The following FBH1 variants were observed in gnomAD, a reference collection of about 807,000 sequenced individuals.
FBH1 encodes the protein DNA 3'-5' helicase 1.
Under a neutral mutation model 115.5 loss-of-function variants are expected in FBH1, and 43 were observed. The ratio of observed to expected loss-of-function variants is 0.37; its 90% confidence interval spans 0.29 to 0.48. The LOEUF (loss-of-function observed/expected upper bound fraction) is 0.48, where lower values mean the gene tolerates loss of function less well. Ranked by LOEUF, FBH1 falls within the 20% of genes least tolerant of loss-of-function variation. The pLI is 0.99. For missense variants in FBH1, 1,001 were observed against 1,337.3 expected (o/e 0.75, Z 3.92); for synonymous variants, 524 against 507.8 (o/e 1.03, Z -0.43).
rs138946203 is a variant in FBH1, at chr10:5,918,467, T to C, written c.2089T>C (p.Tyr697His). The C allele has an allele frequency of 1.8e-5, 28 of 1,599,518 alleles. No individual in the cohort carries two copies. Among genetic ancestry groups the C allele is most frequent in the Non-Finnish European group, 1.5e-5 (18 of 1,175,466 alleles). ...CACAGTGCCCCACACCCACGTCTTC[T>C]ATCTCACGCAGGTAAGTGCGCACTC... ...LFTVPHTHVF[Y>H]LTQSFRFGVE... The change falls in exon 13 of 21, where the codon TAT becomes CAT. Residue 697 changes from tyrosine to histidine, a missense_variant. Around this residue, in one of 4 missense-constraint regions of FBH1, gnomAD observed 521 missense variants for 811.0 expected, o/e 0.64. Coordinates refer to ENST00000362091, the MANE Select transcript of FBH1 (RefSeq NM_178150.3). This position sits in a 1 kb window ranked among gnomAD's most constrained non-coding sequence, Gnocchi z 4.0.
In FBH1 at chr10:5,914,922, T is replaced by C. The variant is rs1196137571; in HGVS notation, c.1397-481T>C. 6.6e-6 allele frequency among the ~76,000 whole-genome samples: 1 copy of C among 152,208 alleles called. No homozygotes were observed. Among genetic ancestry groups the C allele is most frequent in the Non-Finnish European group, 1.5e-5 (1 of 68,036 alleles). Reference sequence around the variant, plus strand: ...TCCTGATAGCATTCCGTAAGGTTGCTTAGTTATTCTTGTTTTATAGAGGAA... The same window carrying C: ...TCCTGATAGCATTCCGTAAGGTTGCCTAGTTATTCTTGTTTTATAGAGGAA... On this transcript the variant is annotated intron_variant, in intron 8 of 20. Coordinates refer to ENST00000362091, the MANE Select transcript of FBH1 (RefSeq NM_178150.3). This position sits in a 1 kb window ranked among gnomAD's most constrained non-coding sequence, Gnocchi z 5.2.
At chr10:5,905,961 G>A (rs913219169) in intron 2 of FBH1, 76 bp from the exon 3 acceptor site, 5 of 1,003,972 alleles carry the variant, frequency 5.0e-6, no homozygotes, top group Admixed American at 2.3e-5. Context: ...GAAAATTAGT[G>A]TGTCTTATAT....
chr10:5,899,441 G>C (rs1359309248), intron 1 of FBH1, among the ~76,000 whole-genome samples: 1 of 152,082 alleles, frequency 6.6e-6, no homozygotes, highest in African/African-American at 2.4e-5. Flanking sequence ...ACTTTCTTTA[G>C]TGAGTGTCTC....
At position 5,895,113 on chromosome 10, in the gene FBH1, G is replaced by A. The variant is rs750220283; in HGVS notation, c.1+4767G>A. 3 of 1,614,002 alleles carry A rather than the reference G, an allele frequency of 1.9e-6. No homozygotes were observed. The highest frequency in any genetic ancestry group is 2.5e-6 in the Non-Finnish European group (3 of 1,179,942). On this transcript the variant is annotated intron_variant, in intron 1 of 20. Transcript: ENST00000362091. The surrounding 1 kb of genome is among the most constrained non-coding windows in gnomAD (Gnocchi z 5.0). ...TGTGATAATGGGCTACATTGCGCAG[G>A]GCCCCTGGGCCATCTCCACAGGAGA...
chr10:5,901,857 C>T (rs926434581), intron 1 of FBH1, among the ~76,000 whole-genome samples: 1 of 152,174 alleles, frequency 6.6e-6, no homozygotes, highest in East Asian at 1.9e-4. Flanking sequence ...AGCCACTGCA[C>T]CTGACCTAAT....
At position 5,917,647 on chromosome 10, in the gene FBH1, T is replaced by G; in HGVS notation, c.1934T>G (p.Phe645Cys). 1 of 1,614,140 alleles carries G rather than the reference T, an allele frequency of 6.2e-7. No homozygotes were observed. The highest frequency in any genetic ancestry group is 8.5e-7 in the Non-Finnish European group (1 of 1,180,010). ...TCGCTGGCCTCTTTTGACGCCATCT[T>G]TGTGGATGAGGCCCAGGACTGCACA... Reference protein sequence around the residue: ...KPSLASFDAIFVDEAQDCTPA... With the variant: ...KPSLASFDAICVDEAQDCTPA... Residue 645 changes from phenylalanine (F) to cysteine (C), a missense_variant, in exon 12 of 21, where the codon TTT becomes TGT. By Grantham distance (205) the Phe-to-Cys change is radical (BLOSUM62 -2). Coordinates refer to ENST00000362091, the MANE Select transcript of FBH1 (RefSeq NM_178150.3). The surrounding 1 kb of genome is among the most constrained non-coding windows in gnomAD (Gnocchi z 5.6).
Position 5,895,241 on chromosome 10 carries a change from CAGA to C in FBH1, c.1+4896_1+4898del. Reference sequence around the variant, plus strand: ...GCGGTTAGCTGACTCCAAAATTGTCCAGATTAGCAAAACTGCCCTCTGTGGATC... The same window carrying C: ...GCGGTTAGCTGACTCCAAAATTGTCCTTAGCAAAACTGCCCTCTGTGGATC... On this transcript the variant is annotated intron_variant, in intron 1 of 20. Coordinates refer to ENST00000362091, the MANE Select transcript of FBH1 (RefSeq NM_178150.3). The surrounding 1 kb of genome is among the most constrained non-coding windows in gnomAD (Gnocchi z 5.0). The C allele has an allele frequency of 6.4e-7, 1 of 1,565,692 alleles. No individual in the cohort carries two copies. The highest frequency in any genetic ancestry group is 1.2e-5 in the South Asian group (1 of 85,974).
chr10:5,916,976 T>A (rs1230917237), intron 10 of FBH1: 1 of 194,900 alleles, frequency 5.1e-6, no homozygotes, highest in African/African-American at 2.4e-5. Context: ...CTGGGGCTCC[T>A]GGACCTCAAA....
At chr10:5,934,908 C>A in intron 19 of FBH1, 1 of 152,422 alleles carries the variant, frequency 6.6e-6, no homozygotes, top group Non-Finnish European at 1.5e-5. Context: ...TCTCGAACTC[C>A]TGGGCTCAAG....
At chr10:5,892,563 CTT>C (rs1378879512) in intron 1 of FBH1, among the ~76,000 whole-genome samples, 1 of 152,144 alleles carries the variant, frequency 6.6e-6, no homozygotes, top group African/African-American at 2.4e-5. Context: ...ATTCACATGC[CTT>C]TTGAAGACCA....
In FBH1 at chr10:5,915,960, G is replaced by C. The variant is rs1325836070; in HGVS notation, c.1566-274G>C. 4.0e-6 allele frequency: 2 copies of C among 498,910 alleles called. No homozygotes were observed. The highest frequency in any genetic ancestry group is 3.8e-5 in the African/African-American group (2 of 52,006). 30.9% of individuals were successfully genotyped at this position (498,910 alleles called of 1,614,324 possible). Reference sequence around the variant, plus strand: ...TGTAGAGGCATCAGGGAACTCCAAGGGTCCCTCCGGGGACCTTCTGGAGCC... The same window carrying C: ...TGTAGAGGCATCAGGGAACTCCAAGCGTCCCTCCGGGGACCTTCTGGAGCC... On this transcript the variant is annotated intron_variant, in intron 9 of 20. Coordinates refer to ENST00000362091, the MANE Select transcript of FBH1 (RefSeq NM_178150.3). This position sits in a 1 kb window ranked among gnomAD's most constrained non-coding sequence, Gnocchi z 5.2.
Position 5,917,627 on chromosome 10 carries a change from G to T in FBH1, c.1914G>T (p.Leu638=). The T allele has an allele frequency of 1.2e-6, 2 of 1,614,126 alleles. No homozygotes were observed. The highest frequency in any genetic ancestry group is 1.7e-6 in the Non-Finnish European group (2 of 1,180,022). The part of the protein sequence containing the change: ...LKLWQLSKPS[L]ASFDAIFVDE... ...TCTGGCAGCTGAGCAAGCCTTCGCT[G>T]GCCTCTTTTGACGCCATCTTTGTGG... Residue 638 remains leucine, a synonymous_variant, in exon 12 of 21, where the codon CTG becomes CTT. Transcript: ENST00000362091. The surrounding 1 kb of genome is among the most constrained non-coding windows in gnomAD (Gnocchi z 5.6).
At position 5,923,836 on chromosome 10, in the gene FBH1, G is replaced by T; in HGVS notation, c.2398+140G>T. 1.3e-6 allele frequency: 1 copy of T among 742,758 alleles called. No homozygotes were observed. 46.0% of individuals were successfully genotyped at this position (742,758 alleles called of 1,614,324 possible). On this transcript the variant is annotated intron_variant, in intron 16 of 20. Transcript: ENST00000362091. This position sits in a 1 kb window ranked among gnomAD's most constrained non-coding sequence, Gnocchi z 5.7. ...TAGTGTTGCTGTCTTCCCATGACGA[G>T]GGGGGTGCCTCGGGCCTCCTGTTTT... is the stretch of plus-strand genomic sequence containing the variant.
chr10:5,912,883 G>A (rs955333495), intron 6 of FBH1, among the ~76,000 whole-genome samples: 5 of 152,286 alleles, frequency 3.3e-5, no homozygotes, highest in East Asian at 3.9e-4. Flanking sequence ...TTTTTGTTGC[G>A]TTTCTTTGTT....
rs901969373 is a variant in FBH1 at position 5,925,706 on chromosome 10, C to T, written c.2722+214C>T. Among the ~76,000 whole-genome samples the T allele has an allele frequency of 3.3e-5, 5 of 152,242 alleles. No individual in the cohort carries two copies. The highest frequency in any genetic ancestry group is 1.2e-4 in the African/African-American group (5 of 41,462). ...CAAAACTTCCTCAAGGTGCACCCCTCTGGGGGCTGCGTGTGGGATGATGAT... is the reference window on the plus strand; with the variant it reads ...CAAAACTTCCTCAAGGTGCACCCCTTTGGGGGCTGCGTGTGGGATGATGAT... On this transcript the variant is annotated intron_variant, in intron 18 of 20. Coordinates refer to ENST00000362091, the MANE Select transcript of FBH1 (RefSeq NM_178150.3). The surrounding 1 kb of genome is among the most constrained non-coding windows in gnomAD (Gnocchi z 4.6).
chr10:5,907,477 T>G (rs1243639597), intron 3 of FBH1, among the ~76,000 whole-genome samples: 2 of 147,136 alleles, frequency 1.4e-5, no homozygotes, highest in South Asian at 2.1e-4. Flanking sequence ...TGTTGGTTTT[T>G]TTTTTTTTTT....
intron 2 of FBH1, among the ~76,000 whole-genome samples, chr10:5,904,677 A>C (rs562163198): frequency 6.6e-6 from 1 of 152,310 alleles, no homozygotes; most frequent in East Asian, 1.9e-4. Flanking sequence ...CCTGGGCAAC[A>C]TAATGAGACC....
intron 19 of FBH1, among the ~76,000 whole-genome samples, chr10:5,930,076 A>G (rs973733279): frequency 2.0e-5 from 3 of 151,926 alleles, no homozygotes; most frequent in African/African-American, 7.3e-5. Context: ...ATTTTGAGAC[A>G]TTAAAAAGTA....
In FBH1 at chr10:5,907,927, C is replaced by T. The variant is rs565542146; in HGVS notation, c.754-998C>T. 4.6e-5 allele frequency among the ~76,000 whole-genome samples: 7 copies of T among 152,294 alleles called. No homozygotes were observed. The East Asian group carries it at 1.2e-3, about 25-fold the overall frequency. On this transcript the variant is annotated intron_variant, in intron 3 of 20. Transcript: ENST00000362091. ...TGTTGAAACTTGTTTTGTGGCCTAACAGGTGATCTATCCTGGAGAATGTTT... is the reference window on the plus strand; with the variant it reads ...TGTTGAAACTTGTTTTGTGGCCTAATAGGTGATCTATCCTGGAGAATGTTT...
Sources: gnomAD v4.1 joint callset for allele counts (sites outside exome capture counted in the v4.1 genomes callset) on GRCh38, gnomAD v4.1.1 for gene constraint, gnomAD v4.1.1 regional missense constraint, Gnocchi (gnomAD v3.1) non-coding constraint, MANE v1.5 for transcripts, NCBI Gene and HGNC (gene_info 2026-07-23, HGNC 2026-07-21) for gene names.